Variants in NPAS3 observed in about 807,000 individuals in gnomAD.
NPAS3 encodes neuronal PAS domain protein 3.
A neutral mutation model predicts 73.1 loss-of-function variants in NPAS3; 14 were observed. The ratio of observed to expected loss-of-function variants is 0.19; its 90% CI spans 0.13 to 0.30. The LOEUF (loss-of-function observed/expected upper bound fraction) is 0.30. NPAS3 is among the 10% of genes least tolerant of loss of function. The pLI, the probability that NPAS3 is intolerant of heterozygous loss-of-function variation, is 1.00. For missense variants in NPAS3, 1,096 were observed against 1,250.0 expected, an observed-to-expected ratio of 0.88 and a Z score of 1.86; for synonymous variants, 620 against 541.5, an observed-to-expected ratio of 1.14 and a Z score of -2.01.
chr14:33,182,194 G>T (rs564691583), intron 2 of NPAS3, among the ~76,000 whole-genome samples: 11 of 152,162 alleles, frequency 7.2e-5, no homozygotes, highest in Non-Finnish European at 1.6e-4. Flanking sequence ...GCAATTGTGT[G>T]TTAGGTATAT....
chr14:33,665,645 A>G (rs372298727), intron 5 of NPAS3, among the ~76,000 whole-genome samples: 1 of 152,222 alleles, frequency 6.6e-6, no homozygotes, highest in Non-Finnish European at 1.5e-5. Flanking sequence ...TGCATTTACT[A>G]TGTAGCCACA....
At chr14:33,192,947 A>G (rs2139518543) in intron 2 of NPAS3, among the ~76,000 whole-genome samples, 1 of 152,324 alleles carries the variant, frequency 6.6e-6, no homozygotes, top group African/African-American at 2.4e-5. Flanking sequence ...GAGAGATGGG[A>G]ACAAATGACT....
chr14:33,557,964 G>A (rs552333809), intron 4 of NPAS3, among the ~76,000 whole-genome samples: 6 of 152,100 alleles, frequency 3.9e-5, no homozygotes, highest in South Asian at 2.1e-4. Flanking sequence ...GCAAGACTCC[G>A]TCTCAAAAAA....
At chr14:32,998,617 G>A (rs1239013950) in intron 1 of NPAS3, among the ~76,000 whole-genome samples, 16 of 152,096 alleles carry the variant, frequency 1.1e-4, no homozygotes, top group Admixed American at 1.0e-3. Context: ...GCTTCCTATA[G>A]GAGACCTTCA....
intron 5 of NPAS3, among the ~76,000 whole-genome samples, chr14:33,561,521 G>C (rs2055648757): frequency 6.6e-6 from 1 of 152,182 alleles, no homozygotes. Flanking sequence ...CCGAGCTTTT[G>C]TTAACTCGGT....
At chr14:33,360,660 T>C (rs1186462233) in intron 3 of NPAS3, among the ~76,000 whole-genome samples, 1 of 152,184 alleles carries the variant, frequency 6.6e-6, no homozygotes, top group Non-Finnish European at 1.5e-5. Flanking sequence ...CTTACAATCA[T>C]TGTTCTTCTG....
intron 4 of NPAS3, 84 bp downstream of exon 4, chr14:33,367,352 T>A (rs1355160201): frequency 1.5e-5 from 10 of 646,468 alleles, no homozygotes; most frequent in Non-Finnish European, 2.2e-5. Flanking sequence ...GAATTTTTTT[T>A]AAATGTCAGC....
At chr14:33,509,044 G>T (rs1487171282) in intron 4 of NPAS3, among the ~76,000 whole-genome samples, 1 of 145,690 alleles carries the variant, frequency 6.9e-6, no homozygotes, top group Non-Finnish European at 1.5e-5. Flanking sequence ...AACCTTTAAA[G>T]GTTATCCAAC....
chr14:33,432,450 A>G (rs901006149), intron 4 of NPAS3, among the ~76,000 whole-genome samples: 1 of 152,182 alleles, frequency 6.6e-6, no homozygotes, highest in Non-Finnish European at 1.5e-5. Flanking sequence ...TTGTAAATAC[A>G]TGAAATTACA....
chr14:33,547,564 C>T (rs954612135), intron 4 of NPAS3, among the ~76,000 whole-genome samples: 5 of 152,296 alleles, frequency 3.3e-5, no homozygotes, highest in African/African-American at 9.6e-5. Context: ...GTACGGTCCA[C>T]GCTCTCCCTG....
intron 4 of NPAS3, among the ~76,000 whole-genome samples, chr14:33,471,641 C>T (rs922330740): frequency 3.3e-5 from 5 of 152,182 alleles, no homozygotes; most frequent in Non-Finnish European, 7.3e-5. Context: ...TAGTTGATAT[C>T]ACCGTCCTTA....
chr14:33,352,548 T>A (rs969690075), intron 3 of NPAS3, among the ~76,000 whole-genome samples: 2 of 152,222 alleles, frequency 1.3e-5, no homozygotes, highest in South Asian at 2.1e-4. Context: ...ATGTCAGATG[T>A]CTCATCCAAG....
At chr14:33,329,864 AC>A (rs2043901070) in intron 3 of NPAS3, among the ~76,000 whole-genome samples, 1 of 152,150 alleles carries the variant, frequency 6.6e-6, no homozygotes, top group African/African-American at 2.4e-5. Context: ...AATGCCTGGA[AC>A]ATAGTAAGTG....
chr14:33,054,274 G>T (rs1461231379), intron 1 of NPAS3, among the ~76,000 whole-genome samples: 1 of 152,160 alleles, frequency 6.6e-6, no homozygotes, highest in Non-Finnish European at 1.5e-5. Flanking sequence ...TAGTTAATGA[G>T]TATGTTTAGG....
At chr14:33,373,209 C>T (rs1341607547) in intron 4 of NPAS3, among the ~76,000 whole-genome samples, 1 of 152,098 alleles carries the variant, frequency 6.6e-6, no homozygotes, top group South Asian at 2.1e-4. Flanking sequence ...AAGTTTCTTT[C>T]ATTTTCTAAA....
At chr14:33,053,577 G>A (rs1435956553) in intron 1 of NPAS3, among the ~76,000 whole-genome samples, 12 of 152,210 alleles carry the variant, frequency 7.9e-5, no homozygotes, top group Admixed American at 6.5e-4. Context: ...AAATCAGGTG[G>A]AGAGAATGAA....
At chr14:32,948,922 A>G (rs1345258084) in intron 1 of NPAS3, among the ~76,000 whole-genome samples, 1 of 152,112 alleles carries the variant, frequency 6.6e-6, no homozygotes, top group African/African-American at 2.4e-5. Flanking sequence ...GGGCTCAGGT[A>G]TGCAACTCTT....
intron 2 of NPAS3, among the ~76,000 whole-genome samples, chr14:33,094,581 T>A (rs2042342739): frequency 6.6e-6 from 1 of 151,834 alleles, no homozygotes; most frequent in Non-Finnish European, 1.5e-5. Flanking sequence ...TTCTCCTGCC[T>A]CAGCCTCTCG....
At position 33,043,181 on chromosome 14, in the gene NPAS3, G is replaced by A. The variant is rs552366248; in HGVS notation, c.51-12724G>A. Among the ~76,000 whole-genome samples the A allele has an allele frequency of 2.6e-5, 4 of 152,192 alleles. No individual in the cohort carries two copies. The South Asian group carries it at 8.3e-4, about 32-fold the overall frequency. On this transcript the variant is annotated intron_variant, in intron 1 of 11. Coordinates refer to ENST00000356141, the Ensembl canonical transcript of NPAS3. ...TCTACTTTAATGTTAAAAGATTTATGATAAGAACACATTTCTAAATACATA... is the reference window on the plus strand; with the variant it reads ...TCTACTTTAATGTTAAAAGATTTATAATAAGAACACATTTCTAAATACATA...
Sources: gnomAD v4.1 joint callset for allele counts (sites outside exome capture counted in the v4.1 genomes callset) on GRCh38, gnomAD v4.1.1 for gene constraint, MANE v1.5 for transcripts, NCBI Gene and HGNC (gene_info 2026-07-23, HGNC 2026-07-21) for gene names.